The following KCNU1 variants were observed in gnomAD, a reference collection of about 807,000 sequenced individuals.
KCNU1 encodes potassium calcium-activated channel subfamily U member 1, also known as potassium channel subfamily U member 1.
KCNU1 carries 93 observed loss-of-function variants against 126.8 expected under a neutral mutation model. The observed-to-expected ratio is 0.73, with a 90% CI of 0.62 to 0.87. The LOEUF is 0.87. Among genes scored for constraint, KCNU1 ranks in the 40% least tolerant of loss-of-function variants. The pLI, the probability that KCNU1 is intolerant of heterozygous loss-of-function variation, is 0.00. For missense variants in KCNU1, 1,330 were observed against 1,367.1 expected, an observed-to-expected ratio of 0.97 and a Z score of 0.43; for synonymous variants, 523 against 494.2, an observed-to-expected ratio of 1.06 and a Z score of -0.77.
chr8:36,784,870 A>C (rs534314196), intron 1 of KCNU1, among the ~76,000 whole-genome samples: 1 of 152,348 alleles, frequency 6.6e-6, no homozygotes, highest in African/African-American at 2.4e-5. Context: ...CTCTGGAAAC[A>C]GAGGTCACTG....
chr8:36,797,558 T>A (rs1234147419), intron 2 of KCNU1, among the ~76,000 whole-genome samples: 1 of 152,164 alleles, frequency 6.6e-6, no homozygotes, highest in Non-Finnish European at 1.5e-5. Flanking sequence ...AAAATTACAT[T>A]GAAACCTAAT....
At chr8:36,790,097 A>G (rs1015070603) in intron 2 of KCNU1, among the ~76,000 whole-genome samples, 11 of 152,234 alleles carry the variant, frequency 7.2e-5, no homozygotes, top group African/African-American at 2.7e-4. Context: ...GCTGAAAATA[A>G]AGGAACTGTC....
At position 36,845,857 on chromosome 8, in the gene KCNU1, A is replaced by G. The variant is rs750288458; in HGVS notation, c.1849A>G (p.Thr617Ala). Residue 617 changes from threonine (T) to alanine (A), a missense_variant, in exon 18 of 27, where the codon ACA becomes GCA. By Grantham distance (58) the Thr-to-Ala change is moderately conservative. Around this residue, in one of 3 missense-constraint regions of KCNU1, gnomAD observed 1,054 missense variants for 1,053.9 expected, o/e 1.00. Coordinates refer to ENST00000399881, the MANE Select transcript of KCNU1 (RefSeq NM_001031836.3). ...HDDVFIPELI[T>A]NCGCKSRSRQ... is the part of the protein sequence containing the mutation. Reference sequence around the variant, plus strand: ...TGATGTGTTCATTCCTGAGCTAATTACAAACTGTGGCTGCAAAAGCAGAAG... The same window carrying G: ...TGATGTGTTCATTCCTGAGCTAATTGCAAACTGTGGCTGCAAAAGCAGAAG... The G allele has an allele frequency of 1.2e-6, 2 of 1,608,728 alleles. No homozygotes were observed. The highest frequency in any genetic ancestry group is 3.4e-5 in the Admixed American group (2 of 59,396).
intron 1 of KCNU1, among the ~76,000 whole-genome samples, chr8:36,786,112 CAAA>C (rs553860650): frequency 1.1e-5 from 1 of 93,342 alleles, no homozygotes; most frequent in Non-Finnish European, 2.3e-5. Context: ...TGGACAAATG[CAAA>C]AAAAAAAAAA....
At chr8:36,875,257 T>A (rs1806238204) in intron 19 of KCNU1, among the ~76,000 whole-genome samples, 1 of 150,784 alleles carries the variant, frequency 6.6e-6, no homozygotes, top group Admixed American at 6.6e-5. Context: ...TTGGTGTTGA[T>A]ACATAAGAAT....
intron 14 of KCNU1, among the ~76,000 whole-genome samples, chr8:36,838,445 C>G (rs1022023475): frequency 6.6e-6 from 1 of 152,138 alleles, no homozygotes; most frequent in Non-Finnish European, 1.5e-5. Flanking sequence ...AATCCCAACA[C>G]TTTGTGAGGC....
intron 16 of KCNU1, among the ~76,000 whole-genome samples, chr8:36,843,703 A>C (rs934117394): frequency 2.6e-5 from 4 of 152,356 alleles, no homozygotes; most frequent in African/African-American, 9.6e-5. Flanking sequence ...AAATATATTG[A>C]AATTCTGGGG....
intron 8 of KCNU1, among the ~76,000 whole-genome samples, 193 bp downstream of exon 8, chr8:36,814,570 C>A (rs1262373927): frequency 1.3e-5 from 2 of 152,104 alleles, no homozygotes; most frequent in Non-Finnish European, 2.9e-5. Flanking sequence ...GATAAAATTG[C>A]TTGGTTTCCA....
chr8:36,821,166 C>A (rs1466399879), intron 10 of KCNU1, among the ~76,000 whole-genome samples: 2 of 152,100 alleles, frequency 1.3e-5, no homozygotes, highest in Non-Finnish European at 2.9e-5. Context: ...TAAACATAGA[C>A]CTTTTGTTAA....
chr8:36,839,911 A>T (rs991462759), intron 14 of KCNU1, among the ~76,000 whole-genome samples: 2 of 152,024 alleles, frequency 1.3e-5, no homozygotes, highest in Non-Finnish European at 2.9e-5. Flanking sequence ...CACATCTCCC[A>T]TTTCTCTGGA....
At chr8:36,840,906 T>C in intron 15 of KCNU1, 26 bp from the exon 16 acceptor site, 3 of 1,569,898 alleles carry the variant, frequency 1.9e-6, no homozygotes, top group African/African-American at 1.3e-5. Flanking sequence ...CTTGCTCTCC[T>C]TTTGACTCCT....
chr8:36,889,156 G>C lies in KCNU1; in HGVS notation c.2010-16552G>C, dbSNP rs188029269. On this transcript the variant is annotated intron_variant, in intron 19 of 26. Coordinates refer to ENST00000399881, the MANE Select transcript of KCNU1 (RefSeq NM_001031836.3). ...GGCCTTCCAAAGTGCTTGGATTACA[G>C]GTATGAGCCATATGCCCAGCAAAAC... 24 of 534,308 alleles carry C rather than the reference G, an allele frequency of 4.5e-5. No homozygotes were observed. In the Middle Eastern group the frequency reaches 5.1e-3, roughly 113 times the overall value. 33.1% of individuals were successfully genotyped at this position (534,308 alleles called of 1,614,324 possible).
intron 19 of KCNU1, among the ~76,000 whole-genome samples, chr8:36,892,196 A>T (rs1182548695): frequency 2.0e-5 from 3 of 151,998 alleles, no homozygotes; most frequent in Non-Finnish European, 4.4e-5. Flanking sequence ...CCATTGACTT[A>T]TATTCAAGCT....
chr8:36,865,591 A>G (rs1805876884), intron 19 of KCNU1, among the ~76,000 whole-genome samples: 1 of 144,522 alleles, frequency 6.9e-6, no homozygotes, highest in African/African-American at 2.5e-5. Context: ...ATATAGAAAG[A>G]CCCTGTCTCT....
At chr8:36,854,128 G>C (rs927153047) in intron 18 of KCNU1, among the ~76,000 whole-genome samples, 6 of 152,050 alleles carry the variant, frequency 3.9e-5, no homozygotes, top group African/African-American at 1.4e-4. Flanking sequence ...AGTCACTTCT[G>C]TCTTGCTGAC....
At chr8:36,887,939 T>C (rs1016267189) in intron 19 of KCNU1, among the ~76,000 whole-genome samples, 3 of 152,174 alleles carry the variant, frequency 2.0e-5, no homozygotes, top group African/African-American at 7.2e-5. Flanking sequence ...GTAGTTATGT[T>C]GAAACAATAG....
intron 20 of KCNU1, among the ~76,000 whole-genome samples, chr8:36,908,874 T>A (rs1440815591): frequency 2.0e-5 from 3 of 152,154 alleles, no homozygotes; most frequent in Non-Finnish European, 4.4e-5. Flanking sequence ...TACAGCTTGC[T>A]GTAATTTTCA....
chr8:36,933,101 T>C (rs1357892682), intron 26 of KCNU1, 69 bp downstream of exon 26: 3 of 971,936 alleles, frequency 3.1e-6, no homozygotes, highest in Non-Finnish European at 1.6e-6. Context: ...CTTTATTCAA[T>C]GTGAAAGAGA....
chr8:36,897,723 C>T (rs987131383), intron 19 of KCNU1, among the ~76,000 whole-genome samples: 17 of 151,328 alleles, frequency 1.1e-4, no homozygotes, highest in African/African-American at 3.2e-4. Flanking sequence ...AAAATTCTGA[C>T]GCTTACCTTT....
Sources: gnomAD v4.1 joint callset for allele counts (sites outside exome capture counted in the v4.1 genomes callset) on GRCh38, gnomAD v4.1.1 for gene constraint, gnomAD v4.1.1 regional missense constraint, MANE v1.5 for transcripts, NCBI Gene and HGNC (gene_info 2026-07-23, HGNC 2026-07-21) for gene names.